LRRTM3: variants seen among roughly 807,000 people sequenced by gnomAD.
The protein encoded by LRRTM3 is leucine-rich repeat transmembrane neuronal protein 3.
LRRTM3 carries 24 observed loss-of-function variants against 44.7 expected under a neutral mutation model. The ratio of observed to expected loss-of-function variants is 0.54; its 90% CI spans 0.39 to 0.76. LRRTM3 has a LOEUF of 0.76. LRRTM3 is among the 30% of genes least tolerant of loss of function. The pLI is 0.00. For missense variants in LRRTM3, 587 were observed against 702.2 expected, an observed-to-expected ratio of 0.84 and a Z score of 1.85; for synonymous variants, 277 against 278.7, an observed-to-expected ratio of 0.99 and a Z score of 0.06.
rs966631271 is a variant in LRRTM3 at position 67,053,754 on chromosome 10, G to A, written c.1537-43833G>A. Among the ~76,000 whole-genome samples the A allele has an allele frequency of 4.6e-5, 7 of 152,170 alleles. No homozygotes were observed. In the South Asian group the frequency reaches 8.3e-4, roughly 18 times the overall value. On this transcript the variant is annotated intron_variant, in intron 2 of 2. Transcript: ENST00000361320. Reference sequence around the variant, plus strand: ...GCAATGGAGAAAAGGAGTATGAAACGAATTCTGCTAAAGGAATTGCAAGAT... The same window carrying A: ...GCAATGGAGAAAAGGAGTATGAAACAAATTCTGCTAAAGGAATTGCAAGAT...
chr10:67,054,791 C>T (rs1472718448), intron 2 of LRRTM3: 2 of 152,054 alleles, frequency 1.3e-5, no homozygotes, highest in Non-Finnish European at 2.9e-5. Context: ...TTAATGGTAC[C>T]AACTCAGTAA....
chr10:66,946,684 T>C (rs527537275), intron 2 of LRRTM3, among the ~76,000 whole-genome samples: 1 of 152,248 alleles, frequency 6.6e-6, no homozygotes, highest in African/African-American at 2.4e-5. Context: ...CATCATGTTT[T>C]ACAAGATTCA....
rs1201938859 is a variant in LRRTM3 at position 66,941,609 on chromosome 10, A to G, written c.1536+13157A>G. Among the ~76,000 whole-genome samples, 3 of 152,210 alleles carry G rather than the reference A, an allele frequency of 2.0e-5. No individual in the cohort carries two copies. In the East Asian group the frequency reaches 5.8e-4, roughly 29 times the overall value. On this transcript the variant is annotated intron_variant, in intron 2 of 2. Coordinates refer to ENST00000361320, the MANE Select transcript of LRRTM3 (RefSeq NM_178011.5). ...CAAAGGCCATAAAAGCTATTTGTCAAATAAACTGCAGAACACGATATCAGT... is the reference window on the plus strand; with the variant it reads ...CAAAGGCCATAAAAGCTATTTGTCAGATAAACTGCAGAACACGATATCAGT...
chr10:67,076,156 A>G lies in LRRTM3; in HGVS notation c.1537-21431A>G, dbSNP rs144974922. Reference sequence around the variant, plus strand: ...GCTCCCCTGTATTACAAAGTGAATAATTTCAGAAGATTCAATTCCTCCAGA... The same window carrying G: ...GCTCCCCTGTATTACAAAGTGAATAGTTTCAGAAGATTCAATTCCTCCAGA... On this transcript the variant is annotated intron_variant, in intron 2 of 2. Transcript: ENST00000361320. Among the ~76,000 whole-genome samples the G allele has an allele frequency of 2.7e-3, 414 of 152,362 alleles. 8 individuals are homozygous for G. Among genetic ancestry groups the G allele is most frequent in the Admixed American group, 0.024 (363 of 15,310 alleles).
At chr10:67,071,330 G>GT (rs10688142) in intron 2 of LRRTM3, among the ~76,000 whole-genome samples, 17,610 of 140,320 alleles carry the variant, frequency 0.13, 1,540 homozygotes, top group African/African-American at 0.24. Flanking sequence ...TGTATTTTGG[G>GT]TTTTTTTTTT....
At chr10:67,036,525 G>A (rs1162210396) in intron 2 of LRRTM3, among the ~76,000 whole-genome samples, 1 of 151,960 alleles carries the variant, frequency 6.6e-6, no homozygotes, top group African/African-American at 2.4e-5. Context: ...TTAGCCGGGC[G>A]TGGTGGCAGC....
intron 2 of LRRTM3, among the ~76,000 whole-genome samples, chr10:66,991,612 C>T (rs1452914865): frequency 1.3e-5 from 2 of 152,074 alleles, no homozygotes; most frequent in Non-Finnish European, 2.9e-5. Context: ...AGTGCAATGG[C>T]GTGATCTTGG....
chr10:66,943,743 C>T (rs1235305783), intron 2 of LRRTM3, among the ~76,000 whole-genome samples: 1 of 151,982 alleles, frequency 6.6e-6, no homozygotes, highest in African/African-American at 2.4e-5. Context: ...GTTCCAGAAC[C>T]CCACCATAAA....
intron 2 of LRRTM3, among the ~76,000 whole-genome samples, chr10:67,040,622 T>A (rs1331070136): frequency 2.0e-5 from 3 of 152,136 alleles, no homozygotes; most frequent in Non-Finnish European, 2.9e-5. Context: ...GTCTATATTT[T>A]TTAAACAGTA....
At chr10:67,003,786 G>A (rs1265101213) in intron 2 of LRRTM3, among the ~76,000 whole-genome samples, 1 of 152,144 alleles carries the variant, frequency 6.6e-6, no homozygotes, top group African/African-American at 2.4e-5. Context: ...AATACAAATT[G>A]AGAGGTTAAT....
At chr10:67,037,969 G>C (rs575613436) in intron 2 of LRRTM3, among the ~76,000 whole-genome samples, 1 of 152,172 alleles carries the variant, frequency 6.6e-6, no homozygotes, top group South Asian at 2.1e-4. Context: ...TGTTCATTAA[G>C]GGGATTAACA....
At chr10:66,988,813 G>C (rs1020652361) in intron 2 of LRRTM3, among the ~76,000 whole-genome samples, 11 of 151,804 alleles carry the variant, frequency 7.2e-5, no homozygotes, top group Admixed American at 7.2e-4. Context: ...ATAATCAATA[G>C]ATCATTATAA....
chr10:67,050,326 G>A (rs185577775), intron 2 of LRRTM3, among the ~76,000 whole-genome samples: 2 of 151,882 alleles, frequency 1.3e-5, no homozygotes, highest in African/African-American at 4.8e-5. Flanking sequence ...TTGAGCGTTC[G>A]GTCTACTTTT....
chr10:67,055,407 A>T (rs992848551), intron 2 of LRRTM3, among the ~76,000 whole-genome samples: 1 of 147,126 alleles, frequency 6.8e-6, no homozygotes, highest in Non-Finnish European at 1.5e-5. Context: ...ACAGAGATTC[A>T]CAACAGAACT....
In LRRTM3 at chr10:67,098,958, A is replaced by G. The variant is rs1399889549; in HGVS notation, c.*1162A>G. 5.3e-5 allele frequency: 8 copies of G among 152,036 alleles called. 1 individual carries two copies. Among genetic ancestry groups the G allele is most frequent in the Admixed American group, 4.6e-4 (7 of 15,218 alleles). The allele number at this position is 152,036 out of a possible 1,614,324, so 9.4% of individuals were successfully genotyped here. On this transcript the variant is annotated 3_prime_UTR_variant, in exon 3 of 3. Transcript: ENST00000361320. ...CATATGAATTTGTTTTGCGTTGTGC[A>G]CTACATCATTTCTCTCCTGAGGAAG...
At chr10:67,058,895 T>C (rs1387570752) in intron 2 of LRRTM3, among the ~76,000 whole-genome samples, 3 of 152,294 alleles carry the variant, frequency 2.0e-5, no homozygotes, top group African/African-American at 7.2e-5. Flanking sequence ...TGACTACACC[T>C]GCCTATCTTC....
intron 2 of LRRTM3, among the ~76,000 whole-genome samples, chr10:67,024,700 C>A (rs984346613): frequency 6.6e-6 from 1 of 152,096 alleles, no homozygotes; most frequent in African/African-American, 2.4e-5. Context: ...CTTGTTAATG[C>A]TCAGATATTG....
At chr10:66,936,023 T>A (rs1847675761) in intron 2 of LRRTM3, among the ~76,000 whole-genome samples, 2 of 152,164 alleles carry the variant, frequency 1.3e-5, no homozygotes, top group South Asian at 4.1e-4. Flanking sequence ...GCCAGTATAG[T>A]GTTCCTTCCA....
In LRRTM3 at chr10:67,097,832, T is replaced by C. The variant is rs1477879908; in HGVS notation, c.*36T>C. 6.3e-7 allele frequency: 1 copy of C among 1,587,142 alleles called. No homozygotes were observed. The highest frequency in any genetic ancestry group is 8.6e-7 in the Non-Finnish European group (1 of 1,156,418). ...TGGTAGCCAGGGGTTGCTACCAAAC[T>C]TTGTAACCTCAAGGACAAAATGAGG... On this transcript the variant is annotated 3_prime_UTR_variant, in exon 3 of 3. Coordinates refer to ENST00000361320, the MANE Select transcript of LRRTM3 (RefSeq NM_178011.5).
Sources: gnomAD v4.1 joint callset for allele counts (sites outside exome capture counted in the v4.1 genomes callset) on GRCh38, gnomAD v4.1.1 for gene constraint, MANE v1.5 for transcripts, NCBI Gene and HGNC (gene_info 2026-07-23, HGNC 2026-07-21) for gene names.